The following HS3ST2 variants were observed in gnomAD, a reference collection of about 807,000 sequenced individuals.
The protein encoded by HS3ST2 is heparan sulfate glucosamine 3-O-sulfotransferase 2.
A neutral mutation model predicts 26.3 loss-of-function variants in HS3ST2; 17 were observed. That is an observed-to-expected ratio of 0.65 (90% CI 0.44 to 0.97). The LOEUF is 0.97. HS3ST2 is among the 50% of genes least tolerant of loss of function. HS3ST2 has a pLI of 0.00. For missense variants in HS3ST2, 402 were observed against 501.2 expected (o/e 0.80, Z 1.89); for synonymous variants, 237 against 219.2 (o/e 1.08, Z -0.72).
chr16:22,908,004 G>A (rs923634513), intron 1 of HS3ST2, among the ~76,000 whole-genome samples: 5 of 152,152 alleles, frequency 3.3e-5, no homozygotes, highest in African/African-American at 1.2e-4. Flanking sequence ...CCAGACACCT[G>A]TGGTCTCAGC....
intron 1 of HS3ST2, 43 bp from the exon 2 acceptor site, chr16:22,914,901 C>A (rs762876439): frequency 6.4e-7 from 1 of 1,561,130 alleles, no homozygotes; most frequent in Non-Finnish European, 8.6e-7. Context: ...AGGCCTGGCC[C>A]CAGGGAAACC....
chr16:22,852,136 G>A (rs1596614403), intron 1 of HS3ST2, among the ~76,000 whole-genome samples: 1 of 152,152 alleles, frequency 6.6e-6, no homozygotes, highest in Non-Finnish European at 1.5e-5. Flanking sequence ...AGGATGTTAT[G>A]GGCATCTAGT....
intron 1 of HS3ST2, among the ~76,000 whole-genome samples, chr16:22,875,001 C>A (rs756598234): frequency 1.2e-4 from 18 of 152,162 alleles, no homozygotes; most frequent in Non-Finnish European, 1.8e-4. Flanking sequence ...ACAGAACACT[C>A]ACCTATACAG....
At chr16:22,864,704 G>A (rs910675263) in intron 1 of HS3ST2, among the ~76,000 whole-genome samples, 1 of 151,988 alleles carries the variant, frequency 6.6e-6, no homozygotes, top group East Asian at 1.9e-4. Context: ...TCAAGACACT[G>A]TAATTAACAA....
At chr16:22,903,715 A>C (rs560478286) in intron 1 of HS3ST2, among the ~76,000 whole-genome samples, 1 of 152,292 alleles carries the variant, frequency 6.6e-6, no homozygotes, top group Non-Finnish European at 1.5e-5. Context: ...ATACCATGTA[A>C]GAAGGATCCC....
intron 1 of HS3ST2, among the ~76,000 whole-genome samples, chr16:22,817,288 G>C (rs1265055773): frequency 6.6e-6 from 1 of 151,838 alleles, no homozygotes; most frequent in Non-Finnish European, 1.5e-5. Flanking sequence ...GGTCGTAATT[G>C]CCCTCTCCCC....
chr16:22,859,616 A>G (rs1350110958), intron 1 of HS3ST2, among the ~76,000 whole-genome samples: 3 of 152,176 alleles, frequency 2.0e-5, no homozygotes, highest in South Asian at 2.1e-4. Flanking sequence ...CTTTCTAGAC[A>G]GAGTTGCTTT....
In HS3ST2 at chr16:22,915,457, T is replaced by C. The variant is rs763351541; in HGVS notation, c.999T>C (p.Thr333=). The C allele has an allele frequency of 1.9e-6, 3 of 1,613,488 alleles. No homozygotes were observed. The change falls in exon 2 of 2, where the codon ACT becomes ACC. Residue 333 remains threonine (T), a synonymous_variant. Coordinates refer to ENST00000261374, the MANE Select transcript of HS3ST2 (RefSeq NM_006043.2). ...GCTTGGGCAAATCAAAAGGGAGAAC[T>C]CATGTACAGATTGATCCTGAAGTGA... is the stretch of plus-strand genomic sequence containing the variant. ...PRCLGKSKGR[T]HVQIDPEVID... is the part of the protein sequence containing the mutation.
At chr16:22,908,723 A>G (rs766158335) in intron 1 of HS3ST2, among the ~76,000 whole-genome samples, 4 of 152,328 alleles carry the variant, frequency 2.6e-5, no homozygotes, top group South Asian at 2.1e-4. Flanking sequence ...TCATTAATCC[A>G]TGAATAGATG....
intron 1 of HS3ST2, among the ~76,000 whole-genome samples, chr16:22,849,179 TC>T (rs1351739287): frequency 6.6e-6 from 1 of 152,148 alleles, no homozygotes; most frequent in African/African-American, 2.4e-5. Flanking sequence ...GTAGACCCAC[TC>T]TCTGGCAGTT....
chr16:22,899,841 C>T (rs1902260783), intron 1 of HS3ST2, among the ~76,000 whole-genome samples: 1 of 152,212 alleles, frequency 6.6e-6, no homozygotes, highest in South Asian at 2.1e-4. Context: ...GATTTAATTA[C>T]CTCCCACCAG....
At chr16:22,833,652 G>A (rs945360203) in intron 1 of HS3ST2, among the ~76,000 whole-genome samples, 1 of 152,110 alleles carries the variant, frequency 6.6e-6, no homozygotes, top group Non-Finnish European at 1.5e-5. Flanking sequence ...ATTGGTCTAT[G>A]TGGACTCTTG....
chr16:22,820,380 A>G (rs1352622033), intron 1 of HS3ST2, among the ~76,000 whole-genome samples: 2 of 152,192 alleles, frequency 1.3e-5, no homozygotes, highest in East Asian at 1.9e-4. Flanking sequence ...GCTTTCCCCA[A>G]AGCCTTAGTC....
At chr16:22,843,649 A>G (rs184679409) in intron 1 of HS3ST2, among the ~76,000 whole-genome samples, 159 of 152,290 alleles carry the variant, frequency 1.0e-3, no homozygotes, top group Middle Eastern at 6.8e-3. Flanking sequence ...CTCTGTCTTC[A>G]TGGAGGCGGG....
intron 1 of HS3ST2, among the ~76,000 whole-genome samples, chr16:22,843,295 G>A (rs1222998562): frequency 6.6e-6 from 1 of 152,022 alleles, no homozygotes; most frequent in East Asian, 1.9e-4. Flanking sequence ...CCAAGCAGCA[G>A]ACACCAGCTG....
rs148620056 is a variant in HS3ST2 at position 22,903,819 on chromosome 16, G to T, written c.486-11125G>T. ...GGAATAGGCTTTACTGGGGAAACTT[G>T]CAAGCCGTGGGTCACAATAGAAGAG... is the stretch of plus-strand genomic sequence containing the variant. On this transcript the variant is annotated intron_variant, in intron 1 of 1. Transcript: ENST00000261374. Among the ~76,000 whole-genome samples, 355 of 152,262 alleles carry T rather than the reference G, an allele frequency of 2.3e-3. 3 individuals are homozygous for T. The Middle Eastern group carries it at 0.037, about 16-fold the overall frequency.
intron 1 of HS3ST2, chr16:22,854,781 G>A (rs1901566755): frequency 6.6e-6 from 1 of 151,968 alleles, no homozygotes; most frequent in African/African-American, 2.4e-5. Context: ...TGACACTACA[G>A]GTATGTGCCA....
intron 1 of HS3ST2, among the ~76,000 whole-genome samples, chr16:22,854,114 C>T (rs1901556600): frequency 6.6e-6 from 1 of 152,134 alleles, no homozygotes; most frequent in South Asian, 2.1e-4. Context: ...CTGAGAATAT[C>T]TTCCCGTTGT....
At chr16:22,819,339 G>GA (rs1179569667) in intron 1 of HS3ST2, among the ~76,000 whole-genome samples, 1 of 151,990 alleles carries the variant, frequency 6.6e-6, no homozygotes, top group East Asian at 1.9e-4. Context: ...CTATCTACAT[G>GA]AAAATGTTTT....
Sources: allele counts gnomAD v4.1 joint callset (sites outside exome capture counted in the v4.1 genomes callset), GRCh38; gene constraint gnomAD v4.1.1; transcripts MANE v1.5; gene names NCBI Gene and HGNC (gene_info 2026-07-23, HGNC 2026-07-21).